DNAJB1: variants seen among roughly 807,000 people sequenced by gnomAD.
DNAJB1 encodes DnaJ heat shock protein family (Hsp40) member B1, also known as dnaJ homolog subfamily B member 1.
A neutral mutation model predicts 24.0 loss-of-function variants in DNAJB1; 14 were observed. That is an observed-to-expected ratio of 0.58 (90% CI 0.39 to 0.91). The LOEUF (loss-of-function observed/expected upper bound fraction) is 0.91, where lower values mean the gene tolerates loss of function less well. Ranked by LOEUF, DNAJB1 falls within the 40% of genes least tolerant of loss-of-function variation. The pLI, the probability that DNAJB1 is intolerant of heterozygous loss-of-function variation, is 0.00. For synonymous variants in DNAJB1, 262 were observed against 174.4 expected, an observed-to-expected ratio of 1.50 and a Z score of -3.96; for missense variants, 517 against 458.1, an observed-to-expected ratio of 1.13 and a Z score of -1.17.
chr19:14,534,211 G>A (rs1192287669), upstream of DNAJB1, among the ~76,000 whole-genome samples: 1 of 149,334 alleles, frequency 6.7e-6, no homozygotes, highest in South Asian at 2.1e-4. Context: ...TGTAAGCTCC[G>A]CCTCCCGGGT....
At chr19:14,535,777 A>AAAAAG (rs1051355864) in intron 1 of DNAJB1, among the ~76,000 whole-genome samples, 4 of 142,292 alleles carry the variant, frequency 2.8e-5, no homozygotes, top group Non-Finnish European at 4.6e-5. Context: ...AAAAAAAAAA[A>AAAAAG]GGGAAAGTGG....
intron 1 of DNAJB1, among the ~76,000 whole-genome samples, chr19:14,547,663 T>TG (rs2073350888): frequency 7.1e-6 from 1 of 140,902 alleles, no homozygotes; most frequent in Non-Finnish European, 1.5e-5. Context: ...TACCTAATAT[T>TG]TTTTTTTTTT....
Position 14,516,871 on chromosome 19 carries a change from G to C in DNAJB1, c.387C>G (p.Asp129Glu). 1 of 1,614,096 alleles carries C rather than the reference G, an allele frequency of 6.2e-7. No individual in the cohort carries two copies. The highest frequency in any genetic ancestry group is 8.5e-7 in the Non-Finnish European group (1 of 1,180,020). The change falls in exon 2 of 3, where the codon GAC becomes GAG. Residue 129 changes from aspartate (D) to glutamate (E), a missense_variant. Coordinates refer to ENST00000254322, the MANE Select transcript of DNAJB1 (RefSeq NM_006145.3). ...TGCCCATAGGGAAGCCAGAGAATGG[G>C]TCATCAATGTCCATGCCTTCCTCCC... ...RNGEEGMDID[D>E]PFSGFPMGMG...
chr19:14,528,308 T>G (rs1162699974), intron 1 of DNAJB1, among the ~76,000 whole-genome samples: 1 of 151,362 alleles, frequency 6.6e-6, no homozygotes, highest in African/African-American at 2.4e-5. Flanking sequence ...GGCGAGATCT[T>G]GGCTCACTGC....
chr19:14,551,821 T>C (rs2073518804), upstream of DNAJB1, among the ~76,000 whole-genome samples: 1 of 151,974 alleles, frequency 6.6e-6, no homozygotes, highest in African/African-American at 2.4e-5. Context: ...TTTTGTTTTT[T>C]TGTTTTTGTT....
chr19:14,535,438 C>T (rs577286530), intron 1 of DNAJB1, among the ~76,000 whole-genome samples: 138 of 130,882 alleles, frequency 1.1e-3, no homozygotes, highest in African/African-American at 3.9e-3. Flanking sequence ...ACCCGGGAGG[C>T]GGAGCTTGCA....
intron 1 of DNAJB1, among the ~76,000 whole-genome samples, chr19:14,540,710 G>A (rs1176240282): frequency 2.1e-5 from 3 of 143,494 alleles, no homozygotes; most frequent in Admixed American, 2.1e-4. Flanking sequence ...TGTATTTTTA[G>A]TAGAGGCAAG....
intron 1 of DNAJB1, among the ~76,000 whole-genome samples, chr19:14,545,512 G>T (rs1465445565): frequency 1.3e-5 from 2 of 152,106 alleles, no homozygotes; most frequent in East Asian, 1.9e-4. Flanking sequence ...CCTAGGGGGT[G>T]GGGGGGATAG....
At chr19:14,553,281 C>T (rs1367969540), upstream of DNAJB1, among the ~76,000 whole-genome samples, 2 of 152,144 alleles carry the variant, frequency 1.3e-5, no homozygotes, top group Non-Finnish European at 2.9e-5. Context: ...GCCTCGGATC[C>T]GAGAGCCCAG....
At chr19:14,546,166 C>T (rs942107101) in intron 1 of DNAJB1, among the ~76,000 whole-genome samples, 2 of 152,062 alleles carry the variant, frequency 1.3e-5, no homozygotes, top group Admixed American at 6.6e-5. Context: ...ATCATGGGGG[C>T]GGCGCTGGGG....
chr19:14,543,405 A>ATTTTTTT (rs2073173760), intron 1 of DNAJB1, among the ~76,000 whole-genome samples: 2 of 19,572 alleles, frequency 1.0e-4, no homozygotes, highest in Non-Finnish European at 1.9e-4. Flanking sequence ...ATATATATAT[A>ATTTTTTT]TATATATATA....
intron 1 of DNAJB1, among the ~76,000 whole-genome samples, chr19:14,540,748 C>T (rs541679394): frequency 4.6e-5 from 7 of 152,184 alleles, no homozygotes; most frequent in East Asian, 1.9e-4. Context: ...AGGATGGCCT[C>T]GAACTCTTGA....
chr19:14,546,685 TTTTTC>T (rs1391419161), intron 1 of DNAJB1, among the ~76,000 whole-genome samples: 3 of 152,160 alleles, frequency 2.0e-5, no homozygotes, highest in Non-Finnish European at 2.9e-5. Flanking sequence ...TAAACATTAT[TTTTTC>T]TTTTCTTTTT....
At chr19:14,540,226 ATTTATTT>A (rs759692735) in intron 1 of DNAJB1, among the ~76,000 whole-genome samples, 5 of 151,242 alleles carry the variant, frequency 3.3e-5, no homozygotes, top group East Asian at 1.9e-4. Context: ...CGCCTGGCTA[ATTTATTT>A]TTTATTTTTT....
At chr19:14,554,735 C>T (rs2073657563), upstream of DNAJB1, among the ~76,000 whole-genome samples, 1 of 152,112 alleles carries the variant, frequency 6.6e-6, no homozygotes, top group African/African-American at 2.4e-5. Context: ...GCCACACCCA[C>T]TCTTCACCTC....
At chr19:14,521,568 G>A (rs2072360500), upstream of DNAJB1, among the ~76,000 whole-genome samples, 1 of 152,228 alleles carries the variant, frequency 6.6e-6, no homozygotes, top group South Asian at 2.1e-4. Flanking sequence ...TGGGGTCAGT[G>A]TTAGAGCTGG....
chr19:14,546,972 G>A (rs1283728020), intron 1 of DNAJB1, among the ~76,000 whole-genome samples: 1 of 152,144 alleles, frequency 6.6e-6, no homozygotes, highest in Non-Finnish European at 1.5e-5. Context: ...TGGGATTACA[G>A]GCATGAGCCA....
upstream of DNAJB1, among the ~76,000 whole-genome samples, chr19:14,534,725 C>T (rs1173070839): frequency 6.6e-6 from 1 of 152,134 alleles, no homozygotes; most frequent in Non-Finnish European, 1.5e-5. Context: ...GTGTGAGCCA[C>T]CGCACCTTGC....
chr19:14,556,493 A>C (rs1180026290), intron 1 of DNAJB1, among the ~76,000 whole-genome samples: 1 of 151,686 alleles, frequency 6.6e-6, no homozygotes, highest in African/African-American at 2.4e-5. Flanking sequence ...GTGACAAAAC[A>C]TGCTATGGCT....
Sources: gnomAD v4.1 joint callset for allele counts (sites outside exome capture counted in the v4.1 genomes callset) on GRCh38, gnomAD v4.1.1 for gene constraint, MANE v1.5 for transcripts, NCBI Gene and HGNC (gene_info 2026-07-23, HGNC 2026-07-21) for gene names.